TASOR: variants seen among roughly 807,000 people sequenced by gnomAD.
TASOR encodes protein TASOR.
Under a neutral mutation model 178.6 loss-of-function variants are expected in TASOR, and 53 were observed. The observed-to-expected ratio is 0.30, with a 90% CI of 0.24 to 0.37. The LOEUF (loss-of-function observed/expected upper bound fraction) is 0.37, where lower values mean the gene tolerates loss of function less well. TASOR is among the 10% of genes least tolerant of loss of function. The probability of loss-of-function intolerance (pLI) is 1.00; values close to 1 mark genes in which losing one functional copy is unlikely to be tolerated. For missense variants in TASOR, 1,815 were observed against 1,971.4 expected (o/e 0.92, Z 1.50); for synonymous variants, 713 against 696.2 (o/e 1.02, Z -0.38).
chr3:56,647,281 C>A, intron 13 of TASOR, 58 bp from the exon 14 acceptor site: 1 of 1,325,540 alleles, frequency 7.5e-7, no homozygotes, highest in South Asian at 1.5e-5. Flanking sequence ...AGAAACTAAT[C>A]AAATACAGAT....
chr3:56,638,632 T>C (rs1168260466), intron 17 of TASOR, 74 bp downstream of exon 17: 2 of 1,482,572 alleles, frequency 1.3e-6, no homozygotes, highest in Non-Finnish European at 1.9e-6. Context: ...GCCCTATTGA[T>C]GGAGTATCAG....
At chr3:56,628,781 G>A (rs1245622369) in intron 18 of TASOR, 167 bp from the exon 19 acceptor site, 1 of 479,424 alleles carries the variant, frequency 2.1e-6, no homozygotes, top group East Asian at 3.8e-5. Flanking sequence ...TTTTTTCTTT[G>A]AGACAGGGTC....
At position 56,679,467 on chromosome 3, in the gene TASOR, T is replaced by C. The variant is rs566395161; in HGVS notation, c.331+3209A>G. Among the ~76,000 whole-genome samples, 17 of 152,338 alleles carry C rather than the reference T, an allele frequency of 1.1e-4. No individual in the cohort carries two copies. The South Asian group carries it at 3.3e-3, about 30-fold the overall frequency. On this transcript the variant is annotated intron_variant, in intron 1 of 23. Coordinates refer to ENST00000683822, the MANE Select transcript of TASOR (RefSeq NM_001365635.2). ...TGTTCTCAGAACCCACTCATCCATATACAACTAATGAAATACCATGGAAAT... is the reference window on the plus strand; with the variant it reads ...TGTTCTCAGAACCCACTCATCCATACACAACTAATGAAATACCATGGAAAT...
At chr3:56,670,722 G>A (rs1013589641) in intron 3 of TASOR, among the ~76,000 whole-genome samples, 3 of 151,626 alleles carry the variant, frequency 2.0e-5, no homozygotes, top group African/African-American at 7.3e-5. Context: ...GATCACTTGA[G>A]GTCAGGAGTT....
At chr3:56,677,678 T>C (rs555452750) in intron 1 of TASOR, among the ~76,000 whole-genome samples, 3 of 152,308 alleles carry the variant, frequency 2.0e-5, no homozygotes, top group African/African-American at 4.8e-5. Flanking sequence ...CCTCACTTTA[T>C]AGACTAGAAA....
At chr3:56,681,240 C>G (rs1201007688) in intron 1 of TASOR, among the ~76,000 whole-genome samples, 2 of 152,134 alleles carry the variant, frequency 1.3e-5, no homozygotes, top group Admixed American at 1.3e-4. Context: ...TACTTCCTAC[C>G]TATTCTCTAC....
At chr3:56,671,878 T>C (rs1223008481) in intron 2 of TASOR, among the ~76,000 whole-genome samples, 186 bp from the exon 3 acceptor site, 4 of 152,166 alleles carry the variant, frequency 2.6e-5, no homozygotes, top group Non-Finnish European at 4.4e-5. Flanking sequence ...AATATTAATA[T>C]AGTCAAATAA....
chr3:56,648,777 T>C lies in TASOR; in HGVS notation c.1513+45A>G, dbSNP rs200973155. The C allele has an allele frequency of 3.8e-5, 53 of 1,387,660 alleles. No individual in the cohort carries two copies. The East Asian group carries it at 1.2e-3, about 31-fold the overall frequency. The allele number at this position is 1,387,660 out of a possible 1,614,324, so 86.0% of individuals were successfully genotyped here. A position where few individuals can be genotyped will look rare whatever the true frequency, so the allele number is the denominator to read the frequency against. ...TTATCTGGAAAATTTCAATGAAATG[T>C]TAAGTATCTATAAGTAACCAGATTT... On this transcript the variant is annotated intron_variant, in intron 13 of 23. Transcript: ENST00000683822.
chr3:56,670,667 G>A (rs1371746449), intron 3 of TASOR, among the ~76,000 whole-genome samples: 1 of 152,118 alleles, frequency 6.6e-6, no homozygotes, highest in Non-Finnish European at 1.5e-5. Context: ...CAGGCATGGT[G>A]GCTCACGCCT....
Position 56,622,985 on chromosome 3 carries a change from A to ATTGT in TASOR, c.*48_*51dup. 1.7e-6 allele frequency: 2 copies of ATTGT among 1,198,812 alleles called. No homozygotes were observed. The highest frequency in any genetic ancestry group is 4.0e-5 in the South Asian group (2 of 50,624). 74.3% of individuals were successfully genotyped at this position (1,198,812 alleles called of 1,614,324 possible). ...CTTTTGTTTAGAGAATGAAATATAA[A>ATTGT]TTGTTAATAAACAAAGTCCACAACA... On this transcript the variant is annotated 3_prime_UTR_variant, in exon 24 of 24. Transcript: ENST00000683822.
chr3:56,651,092 T>C (rs187194148), intron 11 of TASOR, among the ~76,000 whole-genome samples: 7 of 152,224 alleles, frequency 4.6e-5, no homozygotes, highest in African/African-American at 1.4e-4. Flanking sequence ...GGCCCAATGT[T>C]TCCAGAAATC....
In TASOR at chr3:56,668,249, G is replaced by A. The variant is rs1021068191; in HGVS notation, c.897+148C>T. 8.6e-6 allele frequency: 6 copies of A among 696,448 alleles called. No homozygotes were observed. In the African/African-American group the frequency reaches 9.1e-5, roughly 11 times the overall value. The allele number at this position is 696,448 out of a possible 1,614,324, so 43.1% of individuals were successfully genotyped here. The stretch of plus-strand genomic sequence containing the variant: ...CTCAGAAAACACTGAACAAACAGCA[G>A]CAACAGACACTGGAGTCTGGAAGTG... On this transcript the variant is annotated intron_variant, in intron 6 of 23. Transcript: ENST00000683822.
At chr3:56,643,012 T>C (rs1559828302) in intron 14 of TASOR, among the ~76,000 whole-genome samples, 1 of 150,298 alleles carries the variant, frequency 6.7e-6, no homozygotes, top group East Asian at 2.0e-4. Context: ...GCCTGTAATC[T>C]CAGCACTTTG....
At chr3:56,659,763 T>TG in intron 11 of TASOR, among the ~76,000 whole-genome samples, 1 of 152,232 alleles carries the variant, frequency 6.6e-6, no homozygotes, top group Non-Finnish European at 1.5e-5. Flanking sequence ...TCCAAACACT[T>TG]GAACACTGCC....
Position 56,633,978 on chromosome 3 carries a change from G to A in TASOR, c.2825-12C>T. On this transcript the variant is annotated splice_polypyrimidine_tract_variant and intron_variant, in intron 17 of 23. Transcript: ENST00000683822. ...TGGTGATTTCATACCTATACAGGAA[G>A]AGTTCATTATTATAAGAGCAATCCA... 1 of 1,512,046 alleles carries A rather than the reference G, an allele frequency of 6.6e-7. No individual in the cohort carries two copies. The highest frequency in any genetic ancestry group is 8.8e-7 in the Non-Finnish European group (1 of 1,131,354). 93.7% of individuals were successfully genotyped at this position (1,512,046 alleles called of 1,614,324 possible).
At chr3:56,673,016 G>A (rs2030887106) in intron 2 of TASOR, among the ~76,000 whole-genome samples, 1 of 151,776 alleles carries the variant, frequency 6.6e-6, no homozygotes, top group African/African-American at 2.4e-5. Context: ...TTGCCACGTT[G>A]GCCAGGCTGG....
intron 19 of TASOR, among the ~76,000 whole-genome samples, chr3:56,628,263 G>A (rs1044985917): frequency 1.3e-5 from 2 of 152,216 alleles, no homozygotes; most frequent in African/African-American, 4.8e-5. Flanking sequence ...CAAGGATTCA[G>A]TACTCTTATT....
At chr3:56,661,120 A>T (rs2077584602) in intron 9 of TASOR, 103 bp from the exon 10 acceptor site, 1 of 659,558 alleles carries the variant, frequency 1.5e-6, no homozygotes, top group Non-Finnish European at 2.6e-6. Flanking sequence ...ATAGAAGAGC[A>T]TATCTACGAA....
chr3:56,666,306 T>C lies in TASOR; in HGVS notation c.976A>G (p.Thr326Ala). 1 of 1,547,486 alleles carries C rather than the reference T, an allele frequency of 6.5e-7. No homozygotes were observed. The highest frequency in any genetic ancestry group is 8.7e-7 in the Non-Finnish European group (1 of 1,145,256). ...HVCPYAVVSF[T>A]YKDDIQTPKF... ...GGAGTTTGTATATCATCTTTGTAAG[T>C]AAAAGACACAACTGCATATGGACAA... is the stretch of plus-strand genomic sequence containing the variant. The change falls in exon 7 of 24, where the codon ACT (threonine) becomes GCT (alanine). Residue 326 changes from threonine (T) to alanine (A), a missense_variant. Transcript: ENST00000683822.
Sources: gnomAD v4.1 joint callset for allele counts (sites outside exome capture counted in the v4.1 genomes callset) on GRCh38, gnomAD v4.1.1 for gene constraint, MANE v1.5 for transcripts, NCBI Gene and HGNC (gene_info 2026-07-23, HGNC 2026-07-21) for gene names.